The following HDAC7 variants were observed in gnomAD, a reference collection of about 807,000 sequenced individuals.
HDAC7 encodes histone deacetylase 7.
A neutral mutation model predicts 115.5 loss-of-function variants in HDAC7; 26 were observed. The ratio of observed to expected loss-of-function variants is 0.23; its 90% CI spans 0.16 to 0.31. HDAC7 has a LOEUF of 0.31. Ranked by LOEUF, HDAC7 falls within the 10% of genes least tolerant of loss-of-function variation. The probability of loss-of-function intolerance (pLI) is 1.00; values close to 1 mark genes in which losing one functional copy is unlikely to be tolerated. For missense variants in HDAC7, 1,068 were observed against 1,329.0 expected, an observed-to-expected ratio of 0.80 and a Z score of 3.05; for synonymous variants, 564 against 550.9, an observed-to-expected ratio of 1.02 and a Z score of -0.33.
At chr12:47,799,066 T>C (rs760870990) in intron 2 of HDAC7, 94 bp from the exon 3 acceptor site, 1 of 847,338 alleles carries the variant, frequency 1.2e-6, no homozygotes, top group Non-Finnish European at 1.8e-6. Context: ...TCAGGCTCAC[T>C]TGACAATGGC....
intron 15 of HDAC7, 130 bp from the exon 16 acceptor site, chr12:47,791,438 TGGGCTGAGGAG>T: frequency 7.3e-7 from 1 of 1,369,366 alleles, no homozygotes; most frequent in Non-Finnish European, 9.9e-7. Context: ...GAGGTGGAGG[TGGGCTGAGGAG>T]GGGCTTGGCA....
chr12:47,791,888 G>A lies in HDAC7; in HGVS notation c.1795C>T (p.Leu599Phe), dbSNP rs1160986381. ...CTCCTCACCTCACACTGGCTCCGGA[G>A]CCCCCGCTCCTGCAGCCGGGACCAG... ...SIWSRLQERGLRSQCECLRGR... is the reference protein window; with the variant it reads ...SIWSRLQERGFRSQCECLRGR... Residue 599 changes from leucine (L) to phenylalanine (F), a missense_variant, in exon 14 of 26, where the codon CTC becomes TTC. Physicochemically the swap from Leu to Phe is conservative, Grantham distance 22. Around this residue, in one of 6 missense-constraint regions of HDAC7, gnomAD observed 618 missense variants for 701.5 expected, o/e 0.88. Transcript: ENST00000080059. 2 of 1,608,680 alleles carry A rather than the reference G, an allele frequency of 1.2e-6. No individual in the cohort carries two copies. Among genetic ancestry groups the A allele is most frequent in the East Asian group, 4.5e-5 (2 of 44,634 alleles).
intron 1 of HDAC7, among the ~76,000 whole-genome samples, chr12:47,816,954 T>G (rs981507047): frequency 6.6e-6 from 1 of 152,312 alleles, no homozygotes; most frequent in East Asian, 1.9e-4. Flanking sequence ...CCCAGGCCCC[T>G]GATCCTAGGG....
In HDAC7 at chr12:47,793,340, TC is replaced by T; in HGVS notation, c.1678+28del. ...GGACTCGTGCAGCCGAGCCCCTCCC[TC>T]CACCCGCCACCCTCCTCCCGGTCTC... is the stretch of plus-strand genomic sequence containing the variant. On this transcript the variant is annotated intron_variant, in intron 13 of 25. Coordinates refer to ENST00000080059, the MANE Select transcript of HDAC7 (RefSeq NM_015401.5). This position sits in a 1 kb window ranked among gnomAD's most constrained non-coding sequence, Gnocchi z 4.5. 1.8e-6 allele frequency: 1 copy of T among 571,332 alleles called. No homozygotes were observed. The highest frequency in any genetic ancestry group is 3.0e-6 in the Non-Finnish European group (1 of 330,686). The allele number at this position is 571,332 out of a possible 1,614,324, so 35.4% of individuals were successfully genotyped here. A position where few individuals can be genotyped will look rare whatever the true frequency, so the allele number is the denominator to read the frequency against.
rs747188235 is a variant in HDAC7, at chr12:47,797,353, C to A, written c.577+31G>T. 6.4e-7 allele frequency: 1 copy of A among 1,573,888 alleles called. No homozygotes were observed. The highest frequency in any genetic ancestry group is 1.1e-5 in the South Asian group (1 of 90,510). ...TCCGAGGCCCTTCCCCCTTCCTTTG[C>A]CTGAAAGGTCCGCCTGTTTGTTCAG... On this transcript the variant is annotated intron_variant, in intron 6 of 25. Transcript: ENST00000080059. This position sits in a 1 kb window ranked among gnomAD's most constrained non-coding sequence, Gnocchi z 5.5.
Position 47,802,278 on chromosome 12 carries a change from TAG to T in HDAC7, c.20-6_20-5del, listed in dbSNP as rs761273910. The T allele has an allele frequency of 1.2e-6, 2 of 1,613,502 alleles. No homozygotes were observed. Among genetic ancestry groups the T allele is most frequent in the Non-Finnish European group, 1.7e-6 (2 of 1,179,686 alleles). On this transcript the variant is annotated splice_region_variant and splice_polypyrimidine_tract_variant and intron_variant, in intron 1 of 25. Coordinates refer to ENST00000080059, the MANE Select transcript of HDAC7 (RefSeq NM_015401.5). ...CCCGGGCTCACCTGGGTCCCATCTG[TAG>T]AGAGAGAGACGGAGTGAAAGAGCTG...
rs551936752 is a variant in HDAC7 at position 47,793,545 on chromosome 12, C to G, written c.1502G>C (p.Arg501Pro). The G allele has an allele frequency of 1.3e-6, 2 of 1,546,734 alleles. No homozygotes were observed. The highest frequency in any genetic ancestry group is 1.7e-6 in the Non-Finnish European group (2 of 1,146,072). ...EQQRLAGRLP[R>P]GSTGDTVLLP... is the part of the protein sequence containing the mutation. ...CAGCACAGTGTCCCCGGTGCTGCCCCGGGGGAGCCGCCCAGCCAGTCGCTG... is the reference window on the plus strand; with the variant it reads ...CAGCACAGTGTCCCCGGTGCTGCCCGGGGGGAGCCGCCCAGCCAGTCGCTG... Residue 501 changes from arginine (R) to proline (P), a missense_variant, in exon 13 of 26, where the codon CGG (arginine) becomes CCG (proline). This residue lies in a region of HDAC7 where 618 missense variants were observed against 701.5 expected (regional missense o/e 0.88). Transcript: ENST00000080059. This position sits in a 1 kb window ranked among gnomAD's most constrained non-coding sequence, Gnocchi z 4.5.
chr12:47,793,357 T>C lies in HDAC7; in HGVS notation c.1678+12A>G. On this transcript the variant is annotated intron_variant, in intron 13 of 25. Transcript: ENST00000080059. The surrounding 1 kb of genome is among the most constrained non-coding windows in gnomAD (Gnocchi z 4.5). ...CCCCTCCCTCCACCCGCCACCCTCCTCCCGGTCTCACCTGTGGTGAAGGGC... is the reference window on the plus strand; with the variant it reads ...CCCCTCCCTCCACCCGCCACCCTCCCCCCGGTCTCACCTGTGGTGAAGGGC... The C allele has an allele frequency of 8.4e-6, 6 of 714,490 alleles. No individual in the cohort carries two copies. Among genetic ancestry groups the C allele is most frequent in the Non-Finnish European group, 1.3e-5 (6 of 463,012 alleles). The allele number at this position is 714,490 out of a possible 1,614,324, so 44.3% of individuals were successfully genotyped here. A position where few individuals can be genotyped will look rare whatever the true frequency, so the allele number is the denominator to read the frequency against.
At chr12:47,791,510 G>T in intron 15 of HDAC7, 76 bp downstream of exon 15, 1 of 1,525,286 alleles carries the variant, frequency 6.6e-7, no homozygotes, top group Non-Finnish European at 8.8e-7. Flanking sequence ...GGCTGGGCGG[G>T]CAGAGCCGAG....
At chr12:47,800,662 C>T (rs1210668624) in intron 2 of HDAC7, among the ~76,000 whole-genome samples, 1 of 152,248 alleles carries the variant, frequency 6.6e-6, no homozygotes, top group Non-Finnish European at 1.5e-5. Flanking sequence ...CTTCCATGTT[C>T]TGTGTCCTGG....
Position 47,786,822 on chromosome 12 carries a change from C to T in HDAC7, c.2454-119G>A, listed in dbSNP as rs1943195041. 5.5e-6 allele frequency: 4 copies of T among 724,856 alleles called. No individual in the cohort carries two copies. In the East Asian group the frequency reaches 8.2e-5, roughly 15 times the overall value. 44.9% of individuals were successfully genotyped at this position (724,856 alleles called of 1,614,324 possible). A position where few individuals can be genotyped will look rare whatever the true frequency, so the allele number is the denominator to read the frequency against. The stretch of plus-strand genomic sequence containing the variant: ...CTCCAAGGCTCCCAGTGCCCCAGCA[C>T]AACTGGCAGATTTCTCTGACCTCCT... On this transcript the variant is annotated intron_variant, in intron 21 of 25. Coordinates refer to ENST00000080059, the MANE Select transcript of HDAC7 (RefSeq NM_015401.5).
rs1314145846 is a variant in HDAC7, at chr12:47,798,398, C to T, written c.349+164G>A. ...CTCCAGACACCACCCCCCACCCCCA[C>T]ATCCCCCACACATTCACAGGCAGAG... On this transcript the variant is annotated intron_variant, in intron 4 of 25. Transcript: ENST00000080059. This position sits in a 1 kb window ranked among gnomAD's most constrained non-coding sequence, Gnocchi z 4.3. Among the ~76,000 whole-genome samples the T allele has an allele frequency of 2.6e-5, 4 of 151,894 alleles. No individual in the cohort carries two copies. Among genetic ancestry groups the T allele is most frequent in the Non-Finnish European group, 5.9e-5 (4 of 67,958 alleles).
At chr12:47,815,318 A>AGCACACAT (rs1383796517) in intron 1 of HDAC7, among the ~76,000 whole-genome samples, 1 of 152,198 alleles carries the variant, frequency 6.6e-6, no homozygotes, top group African/African-American at 2.4e-5. Context: ...TGTAGTTATG[A>AGCACACAT]GCACACATGC....
chr12:47,811,900 G>C (rs1944684956), intron 1 of HDAC7, among the ~76,000 whole-genome samples: 1 of 152,216 alleles, frequency 6.6e-6, no homozygotes, highest in Non-Finnish European at 1.5e-5. Context: ...AATGCCTTCT[G>C]GCTGAATAAT....
chr12:47,784,529 G>C (rs1224723651), intron 24 of HDAC7: 3 of 613,758 alleles, frequency 4.9e-6, no homozygotes, highest in South Asian at 4.0e-5. Flanking sequence ...GCTCCTGAGA[G>C]CATCAGGAGA....
At chr12:47,785,542 G>C (rs768825219) in intron 23 of HDAC7, 71 bp from the exon 24 acceptor site, 6 of 1,479,962 alleles carry the variant, frequency 4.1e-6, no homozygotes. Flanking sequence ...CACCCCAGGG[G>C]CCCCAGCCTT....
rs768985856 is a variant in HDAC7 at position 47,789,385 on chromosome 12, C to T, written c.2148-37G>A. On this transcript the variant is annotated intron_variant, in intron 18 of 25. Transcript: ENST00000080059. ...GACAGGTCCTGCCAGCCCATTCTCT[C>T]CACATGCCCTCACCTCCCCAGGCCC... 2.5e-6 allele frequency: 4 copies of T among 1,593,210 alleles called. No individual in the cohort carries two copies. The South Asian group carries it at 4.4e-5, about 18-fold the overall frequency.
Position 47,793,160 on chromosome 12 carries a change from A to G in HDAC7, c.1678+209T>C. 1.9e-6 allele frequency: 1 copy of G among 516,422 alleles called. No individual in the cohort carries two copies. The highest frequency in any genetic ancestry group is 3.4e-6 in the Non-Finnish European group (1 of 295,206). The allele number at this position is 516,422 out of a possible 1,614,324, so 32.0% of individuals were successfully genotyped here. A position where few individuals can be genotyped will look rare whatever the true frequency, so the allele number is the denominator to read the frequency against. On this transcript the variant is annotated intron_variant, in intron 13 of 25. Transcript: ENST00000080059. The surrounding 1 kb of genome is among the most constrained non-coding windows in gnomAD (Gnocchi z 4.5). ...TGACTACCACTTGCTATTTGACCACAGGCTTGTCACCTTAGATTTCGTGAG... is the reference window on the plus strand; with the variant it reads ...TGACTACCACTTGCTATTTGACCACGGGCTTGTCACCTTAGATTTCGTGAG...
chr12:47,805,241 T>TTTTTG (rs1222965935), intron 1 of HDAC7, among the ~76,000 whole-genome samples: 1 of 151,806 alleles, frequency 6.6e-6, no homozygotes, highest in Non-Finnish European at 1.5e-5. Flanking sequence ...GGCTAAATTT[T>TTTTTG]TTTTGTTTTG....
Sources: allele counts gnomAD v4.1 joint callset (sites outside exome capture counted in the v4.1 genomes callset), GRCh38; gene constraint gnomAD v4.1.1; regional missense constraint gnomAD v4.1.1; non-coding constraint Gnocchi (gnomAD v3.1); transcripts MANE v1.5; gene names NCBI Gene and HGNC (gene_info 2026-07-23, HGNC 2026-07-21).